FYN: variants seen among roughly 807,000 people sequenced by gnomAD.
FYN encodes the protein FYN proto-oncogene, Src family tyrosine kinase, also known as tyrosine-protein kinase Fyn.
In FYN, 10 loss-of-function variants were observed where a neutral mutation model predicts 70.2. The ratio of observed to expected loss-of-function variants is 0.14; its 90% confidence interval spans 0.09 to 0.24. The LOEUF (loss-of-function observed/expected upper bound fraction) is 0.24, where lower values mean the gene tolerates loss of function less well. FYN is among the 10% of genes least tolerant of loss of function. The probability of loss-of-function intolerance (pLI) is 1.00; values close to 1 mark genes in which losing one functional copy is unlikely to be tolerated. For missense variants in FYN, 319 were observed against 673.1 expected (o/e 0.47, Z 5.82); for synonymous variants, 236 against 248.6 (o/e 0.95, Z 0.48).
At chr6:111,861,897 C>T (rs894196630) in intron 1 of FYN, among the ~76,000 whole-genome samples, 3 of 152,204 alleles carry the variant, frequency 2.0e-5, no homozygotes, top group Non-Finnish European at 2.9e-5. Flanking sequence ...ATCATTACTT[C>T]GTAGAGCCTT....
Position 111,704,029 on chromosome 6 carries a change from A to T in FYN, c.517T>A (p.Phe173Ile). The T allele has an allele frequency of 6.2e-7, 1 of 1,614,196 alleles. No individual in the cohort carries two copies. Among genetic ancestry groups the T allele is most frequent in the Non-Finnish European group, 8.5e-7 (1 of 1,179,996 alleles). ...LLSFGNPRGT[F>I]LIRESETTKG... ...GTGGTTTCACTCTCGCGGATAAGAA[A>T]GGTACCTCTTGGGTTTCCAAAGGAC... Residue 173 changes from phenylalanine to isoleucine, a missense_variant, in exon 7 of 14, where the codon TTT becomes ATT. This residue lies in a region of FYN where 112 missense variants were observed against 250.2 expected (regional missense o/e 0.45). Coordinates refer to ENST00000354650, the MANE Select transcript of FYN (RefSeq NM_002037.5).
At chr6:111,674,029 G>C (rs1798427615) in intron 13 of FYN, among the ~76,000 whole-genome samples, 2 of 152,298 alleles carry the variant, frequency 1.3e-5, no homozygotes, top group African/African-American at 4.8e-5. Context: ...ATCTGGAGCT[G>C]GGTCCTGTGG....
intron 3 of FYN, among the ~76,000 whole-genome samples, chr6:111,724,071 G>A (rs1397554916): frequency 1.3e-5 from 2 of 152,108 alleles, no homozygotes; most frequent in East Asian, 3.8e-4. Context: ...GCAAAGGGAG[G>A]GGCCCTTTTT....
chr6:111,808,324 C>T (rs183451568), intron 2 of FYN, among the ~76,000 whole-genome samples: 2 of 152,244 alleles, frequency 1.3e-5, no homozygotes, highest in East Asian at 3.9e-4. Context: ...CTAGTGCAGC[C>T]CCCTGGGCTA....
chr6:111,710,425 T>C (rs752620660), intron 5 of FYN, among the ~76,000 whole-genome samples: 4 of 152,250 alleles, frequency 2.6e-5, no homozygotes, highest in South Asian at 2.1e-4. Context: ...GGTACCTAAA[T>C]AGTGTAGCAC....
intron 1 of FYN, among the ~76,000 whole-genome samples, chr6:111,854,919 G>T (rs954464125): frequency 4.6e-5 from 7 of 152,208 alleles, no homozygotes; most frequent in Non-Finnish European, 1.0e-4. Flanking sequence ...GCAAGACTAT[G>T]TTAAGGAAGA....
At chr6:111,687,514 T>A (rs1422526534) in intron 12 of FYN, among the ~76,000 whole-genome samples, 1 of 146,238 alleles carries the variant, frequency 6.8e-6, no homozygotes, top group Non-Finnish European at 1.5e-5. Context: ...TCATGAGGAT[T>A]CAAATCAGGA....
intron 3 of FYN, among the ~76,000 whole-genome samples, chr6:111,741,768 G>C (rs1315548347): frequency 6.6e-6 from 1 of 152,182 alleles, no homozygotes; most frequent in African/African-American, 2.4e-5. Context: ...AACTTTATGA[G>C]CATGAGAATT....
intron 2 of FYN, chr6:111,818,477 T>C (rs986095604): frequency 4.6e-5 from 7 of 152,262 alleles, no homozygotes; most frequent in African/African-American, 1.7e-4. Context: ...CTCTGAGTTA[T>C]GTTTTCAGTG....
rs1474408204 is a variant in FYN at position 111,694,038 on chromosome 6, G to C, written c.1273+337C>G. On this transcript the variant is annotated intron_variant, in intron 12 of 13. Coordinates refer to ENST00000354650, the MANE Select transcript of FYN (RefSeq NM_002037.5). The surrounding 1 kb of genome is among the most constrained non-coding windows in gnomAD (Gnocchi z 5.0). ...CTTTGTAAAAAACACAGGCATGTGA[G>C]AATGTGAGAATAAATGTGGTCTCTT... 2.0e-5 allele frequency among the ~76,000 whole-genome samples: 3 copies of C among 152,162 alleles called. No individual in the cohort carries two copies. In the East Asian group the frequency reaches 5.8e-4, roughly 29 times the overall value.
At chr6:111,761,928 T>G (rs944558558) in intron 3 of FYN, among the ~76,000 whole-genome samples, 1 of 152,184 alleles carries the variant, frequency 6.6e-6, no homozygotes, top group African/African-American at 2.4e-5. Flanking sequence ...CAGCAATCCC[T>G]GGTCAGCTCA....
At chr6:111,757,571 T>C (rs1340505298) in intron 3 of FYN, among the ~76,000 whole-genome samples, 1 of 152,166 alleles carries the variant, frequency 6.6e-6, no homozygotes, top group Non-Finnish European at 1.5e-5. Flanking sequence ...TACCTTCTCT[T>C]CTACACAGCT....
chr6:111,722,248 C>T (rs1800987122), intron 3 of FYN, among the ~76,000 whole-genome samples: 1 of 152,172 alleles, frequency 6.6e-6, no homozygotes, highest in Admixed American at 6.5e-5. Flanking sequence ...GCTGAGCTCA[C>T]CAAATCTGGA....
chr6:111,786,108 G>A (rs939286350), intron 2 of FYN, among the ~76,000 whole-genome samples: 3 of 151,580 alleles, frequency 2.0e-5, no homozygotes, highest in Admixed American at 6.6e-5. Context: ...TGTGCACAAC[G>A]TGCAGGTTTG....
At chr6:111,698,125 CT>C (rs537951266) in intron 9 of FYN, among the ~76,000 whole-genome samples, 3 of 151,622 alleles carry the variant, frequency 2.0e-5, no homozygotes, top group African/African-American at 2.4e-5. Context: ...TGTATTAACT[CT>C]TTTTTTTTCT....
At chr6:111,756,980 T>A (rs1283884303) in intron 3 of FYN, among the ~76,000 whole-genome samples, 6 of 152,124 alleles carry the variant, frequency 3.9e-5, no homozygotes, top group Non-Finnish European at 4.4e-5. Flanking sequence ...CCCTGTGCTA[T>A]TTCCTGCAGG....
Position 111,844,898 on chromosome 6 carries a change from A to G in FYN, c.-82+1691T>C, listed in dbSNP as rs1027170233. On this transcript the variant is annotated intron_variant, in intron 2 of 13. Transcript: ENST00000354650. ...GTGTTTTTCAATTTAAAAGCGAGTA[A>G]TTTTACTTGGTCCTGTGAAAGGGAC... 36 of 152,258 alleles carry G rather than the reference A, an allele frequency of 2.4e-4. 1 individual carries two copies. Among genetic ancestry groups the G allele is most frequent in the African/African-American group, 8.2e-4 (34 of 41,470 alleles). The allele number at this position is 152,258 out of a possible 1,614,324, so 9.4% of individuals were successfully genotyped here.
chr6:111,844,145 T>C (rs1450009220), intron 2 of FYN, among the ~76,000 whole-genome samples: 1 of 152,194 alleles, frequency 6.6e-6, no homozygotes, highest in Non-Finnish European at 1.5e-5. Flanking sequence ...GTAACATAGA[T>C]GATATAAAGC....
chr6:111,783,062 C>T (rs973276299), intron 2 of FYN, among the ~76,000 whole-genome samples: 6 of 152,208 alleles, frequency 3.9e-5, no homozygotes, highest in Non-Finnish European at 8.8e-5. Context: ...TGTCCAGCCT[C>T]AGCGTGGACA....
Sources: allele counts gnomAD v4.1 joint callset (sites outside exome capture counted in the v4.1 genomes callset), GRCh38; gene constraint gnomAD v4.1.1; regional missense constraint gnomAD v4.1.1; non-coding constraint Gnocchi (gnomAD v3.1); transcripts MANE v1.5; gene names NCBI Gene and HGNC (gene_info 2026-07-23, HGNC 2026-07-21).